FHIT: variants seen among roughly 807,000 people sequenced by gnomAD.
FHIT encodes fragile histidine triad diadenosine triphosphatase, also known as bis(5'-adenosyl)-triphosphatase.
Under a neutral mutation model 17.9 loss-of-function variants are expected in FHIT, and 19 were observed. That is an observed-to-expected ratio of 1.06 (90% CI 0.74 to 1.56). The LOEUF (loss-of-function observed/expected upper bound fraction) is 1.56, where lower values mean the gene tolerates loss of function less well. FHIT is among the 40% of genes most tolerant of loss of function. FHIT has a pLI of 0.00. For synonymous variants in FHIT, 81 were observed against 69.7 expected, an observed-to-expected ratio of 1.16 and a Z score of -0.81; for missense variants, 248 against 189.2, an observed-to-expected ratio of 1.31 and a Z score of -1.82.
chr3:60,578,954 C>G (rs12491463), intron 4 of FHIT, among the ~76,000 whole-genome samples: 19,100 of 152,094 alleles, frequency 0.13, 1,866 homozygotes, highest in East Asian at 0.4. Flanking sequence ...AAAGTAAACA[C>G]TCACAAGAAA....
At chr3:61,113,989 A>G (rs1236853176) in intron 2 of FHIT, among the ~76,000 whole-genome samples, 2 of 152,180 alleles carry the variant, frequency 1.3e-5, no homozygotes, top group Non-Finnish European at 2.9e-5. Flanking sequence ...ACGGTCCCAT[A>G]CAGCCACTAG....
intron 4 of FHIT, among the ~76,000 whole-genome samples, chr3:60,639,149 G>A (rs190841503): frequency 4.0e-5 from 6 of 150,670 alleles, no homozygotes; most frequent in Non-Finnish European, 7.4e-5. Flanking sequence ...GGGCATTTGC[G>A]AATTTGCATC....
At chr3:60,808,652 T>C (rs534963341) in intron 4 of FHIT, among the ~76,000 whole-genome samples, 2 of 152,298 alleles carry the variant, frequency 1.3e-5, no homozygotes, top group South Asian at 4.1e-4. Context: ...GGAAAAGGGA[T>C]GAAGAAAGCA....
At chr3:60,813,072 G>A (rs1471274987) in intron 4 of FHIT, among the ~76,000 whole-genome samples, 14 of 151,888 alleles carry the variant, frequency 9.2e-5, no homozygotes, top group Admixed American at 9.2e-4. Context: ...AGATGATTAG[G>A]TCTTGAGAGC....
At chr3:60,918,068 G>A (rs782368962) in intron 3 of FHIT, among the ~76,000 whole-genome samples, 6 of 152,144 alleles carry the variant, frequency 3.9e-5, no homozygotes, top group South Asian at 2.1e-4. Flanking sequence ...TACTGTTCTC[G>A]TGGTAGTAAT....
At chr3:59,754,661 TG>T (rs1403315262) in intron 8 of FHIT, among the ~76,000 whole-genome samples, 1 of 152,206 alleles carries the variant, frequency 6.6e-6, no homozygotes, top group Non-Finnish European at 1.5e-5. Flanking sequence ...ATTTAGAGCC[TG>T]TGAATGTTAA....
intron 7 of FHIT, among the ~76,000 whole-genome samples, chr3:59,949,108 A>G (rs1706985624): frequency 6.6e-6 from 1 of 152,138 alleles, no homozygotes; most frequent in Non-Finnish European, 1.5e-5. Context: ...TGAGTACCTG[A>G]TGTTTAGCTC....
At chr3:60,476,319 C>T (rs1311475894) in intron 5 of FHIT, among the ~76,000 whole-genome samples, 6 of 152,072 alleles carry the variant, frequency 3.9e-5, no homozygotes, top group Admixed American at 6.5e-5. Flanking sequence ...AGTATGAAGG[C>T]GCTTTAAGAA....
chr3:60,297,281 C>T (rs1269333662), intron 5 of FHIT, among the ~76,000 whole-genome samples: 5 of 152,046 alleles, frequency 3.3e-5, no homozygotes, highest in African/African-American at 1.2e-4. Flanking sequence ...GAGAATATGT[C>T]TCTCCATTTA....
intron 5 of FHIT, among the ~76,000 whole-genome samples, chr3:60,418,233 A>G (rs75154358): frequency 0.012 from 1,846 of 151,872 alleles, 50 homozygotes; most frequent in African/African-American, 0.042. Flanking sequence ...AGAAATCAAA[A>G]AGGCTTCAGA....
intron 4 of FHIT, among the ~76,000 whole-genome samples, chr3:60,569,759 T>A (rs868493822): frequency 1.4e-3 from 59 of 42,094 alleles, no homozygotes; most frequent in African/African-American, 4.9e-3. Context: ...ATATATATTT[T>A]TTTTTTTTTT....
At chr3:60,376,875 G>A (rs1195863849) in intron 5 of FHIT, among the ~76,000 whole-genome samples, 1 of 152,180 alleles carries the variant, frequency 6.6e-6, no homozygotes, top group African/African-American at 2.4e-5. Context: ...GCATAGAGAA[G>A]TGGACAGTGT....
At chr3:61,056,513 A>G (rs1161343591) in intron 2 of FHIT, among the ~76,000 whole-genome samples, 2 of 152,220 alleles carry the variant, frequency 1.3e-5, no homozygotes, top group African/African-American at 4.8e-5. Flanking sequence ...CAGAGTAAGA[A>G]GCGAAGCTGA....
intron 5 of FHIT, among the ~76,000 whole-genome samples, chr3:60,412,940 G>A (rs1702117704): frequency 6.6e-6 from 1 of 152,132 alleles, no homozygotes; most frequent in Non-Finnish European, 1.5e-5. Flanking sequence ...CATGTAAGAT[G>A]TGCCTGCTTC....
At chr3:60,472,988 T>C (rs1023191339) in intron 5 of FHIT, among the ~76,000 whole-genome samples, 3 of 152,238 alleles carry the variant, frequency 2.0e-5, no homozygotes, top group Admixed American at 6.5e-5. Context: ...TTTCTTATTA[T>C]ATTCATTTTC....
intron 8 of FHIT, among the ~76,000 whole-genome samples, chr3:59,872,045 A>C (rs993981016): frequency 6.6e-6 from 1 of 152,212 alleles, no homozygotes; most frequent in Non-Finnish European, 1.5e-5. Flanking sequence ...AGATTATACT[A>C]ATCAATTACA....
At chr3:60,072,716 T>C (rs1702832010) in intron 5 of FHIT, among the ~76,000 whole-genome samples, 1 of 152,118 alleles carries the variant, frequency 6.6e-6, no homozygotes, top group African/African-American at 2.4e-5. Context: ...AAGCCTGTGC[T>C]CTTAACCCTT....
intron 4 of FHIT, among the ~76,000 whole-genome samples, chr3:60,652,909 C>CAAACAAAACA (rs57749384): frequency 1.8e-3 from 251 of 139,250 alleles, no homozygotes; most frequent in African/African-American, 4.4e-3. Flanking sequence ...AAGTTCATCT[C>CAAACAAAACA]AAACAAAACA....
chr3:60,356,747 CAG>C (rs139094178), intron 5 of FHIT, among the ~76,000 whole-genome samples: 1,283 of 24,964 alleles, frequency 0.051, 19 homozygotes, highest in African/African-American at 0.21. Context: ...AGCAGGAAGA[CAG>C]AGACAAAAAA....
Sources: allele counts gnomAD v4.1 joint callset (sites outside exome capture counted in the v4.1 genomes callset), GRCh38; gene constraint gnomAD v4.1.1; transcripts MANE v1.5; gene names NCBI Gene and HGNC (gene_info 2026-07-23, HGNC 2026-07-21).